The following GAN variants were observed in gnomAD, a reference collection of about 807,000 sequenced individuals.
GAN encodes the protein epididymis secretory sperm binding protein.
GAN carries 48 observed loss-of-function variants against 71.3 expected under a neutral mutation model. The observed-to-expected ratio is 0.67, with a 90% CI of 0.53 to 0.86. GAN has a LOEUF of 0.86. Ranked by LOEUF, GAN falls within the 40% of genes least tolerant of loss-of-function variation. The pLI is 0.00. For missense variants in GAN, 928 were observed against 770.1 expected, an observed-to-expected ratio of 1.21 and a Z score of -2.43; for synonymous variants, 386 against 276.8, an observed-to-expected ratio of 1.39 and a Z score of -3.92.
At chr16:81,329,885 G>T (rs1227998213) in intron 1 of GAN, among the ~76,000 whole-genome samples, 1 of 152,094 alleles carries the variant, frequency 6.6e-6, no homozygotes, top group Admixed American at 6.6e-5. Context: ...CTGATACCAA[G>T]CCCGCTACAT....
rs369149100 is a variant in GAN, at chr16:81,341,097, AG to A, written c.168-10484del. ...GCAAGAAGACAAGATTAGAGAAAAA[AG>A]GAGTGAAAAGAAATGAAGAAAGCCT... On this transcript the variant is annotated intron_variant, in intron 1 of 10. Transcript: ENST00000648994. Among the ~76,000 whole-genome samples, 1,294 of 152,092 alleles carry A rather than the reference AG, an allele frequency of 8.5e-3. 14 individuals carry two copies. The highest frequency in any genetic ancestry group is 0.029 in the African/African-American group (1,220 of 41,478).
intron 1 of GAN, among the ~76,000 whole-genome samples, chr16:81,328,636 C>T (rs1040317205): frequency 1.7e-5 from 2 of 121,128 alleles, no homozygotes; most frequent in Admixed American, 1.0e-4. Flanking sequence ...AAGACCCTAC[C>T]AGTGTGTATC....
At position 81,389,329 on chromosome 16, in the gene GAN, C is replaced by G. The variant is rs1904496267; in HGVS notation, c.*11733C>G. On this transcript the variant is annotated 3_prime_UTR_variant, in exon 11 of 11. Transcript: ENST00000648994. ...TCGCCGGCGACGTAATGGTGATACC[C>G]TTTGTTTTTTGTATCATACCTTTTG... The G allele has an allele frequency of 6.6e-6, 1 of 152,204 alleles. No homozygotes were observed. The highest frequency in any genetic ancestry group is 2.4e-5 in the African/African-American group (1 of 41,448). The allele number at this position is 152,204 out of a possible 1,614,324, so 9.4% of individuals were successfully genotyped here.
rs182275737 is a variant in GAN, at chr16:81,352,850, C to T, written c.282+1153C>T. ...ATAACCAGGGCTAAGACCAACCTCT[C>T]CTCCACCTTGTAAAGTCAATCCAGC... On this transcript the variant is annotated intron_variant, in intron 2 of 10. Transcript: ENST00000648994. Among the ~76,000 whole-genome samples the T allele has an allele frequency of 5.6e-3, 852 of 152,302 alleles. 10 individuals carry two copies. The highest frequency in any genetic ancestry group is 0.032 in the South Asian group (152 of 4,824).
intron 1 of GAN, among the ~76,000 whole-genome samples, chr16:81,326,049 ACTCC>A (rs1300404566): frequency 1.3e-5 from 2 of 151,860 alleles, no homozygotes; most frequent in East Asian, 3.9e-4. Flanking sequence ...CCAAATAATC[ACTCC>A]CTCCAGCAGA....
intron 1 of GAN, among the ~76,000 whole-genome samples, chr16:81,317,770 G>A (rs1040579031): frequency 6.6e-6 from 1 of 152,158 alleles, no homozygotes; most frequent in African/African-American, 2.4e-5. Context: ...CTGTTAGCTG[G>A]CTTACAATAT....
In GAN at chr16:81,318,821, C is replaced by A. The variant is rs4889303; in HGVS notation, c.167+3541C>A. ...GGTCAGCTCAGAGAGGACTGGCATC[C>A]CCGGGTTATGTAGAGAGAGCACGTG... On this transcript the variant is annotated intron_variant, in intron 1 of 10. Coordinates refer to ENST00000648994, the MANE Select transcript of GAN (RefSeq NM_022041.4). Among the ~76,000 whole-genome samples, 631 of 152,200 alleles carry A rather than the reference C, an allele frequency of 4.1e-3. 7 individuals carry two copies. Among genetic ancestry groups the A allele is most frequent in the South Asian group, 0.018 (89 of 4,820 alleles).
At chr16:81,368,758 A>G (rs1910943529) in intron 9 of GAN, among the ~76,000 whole-genome samples, 1 of 152,148 alleles carries the variant, frequency 6.6e-6, no homozygotes, top group African/African-American at 2.4e-5. Flanking sequence ...GCATCTGTGT[A>G]GTGTCATTAG....
chr16:81,350,813 C>G (rs1401667458), intron 1 of GAN, among the ~76,000 whole-genome samples: 1 of 152,156 alleles, frequency 6.6e-6, no homozygotes, highest in Non-Finnish European at 1.5e-5. Context: ...GCCACTGCAC[C>G]CAGCCGAAAA....
chr16:81,376,609 T>C (rs1356540388), intron 9 of GAN, among the ~76,000 whole-genome samples: 1 of 150,760 alleles, frequency 6.6e-6, no homozygotes, highest in Admixed American at 6.7e-5. Context: ...ATATTATATG[T>C]ATGTATATGT....
chr16:81,363,708 T>A (rs1036843679), intron 6 of GAN, 86 bp from the exon 7 acceptor site: 8 of 1,374,778 alleles, frequency 5.8e-6, no homozygotes, highest in Non-Finnish European at 8.3e-6. Flanking sequence ...TCTTTATGTT[T>A]CTCTAATTTT....
intron 1 of GAN, among the ~76,000 whole-genome samples, chr16:81,326,238 T>C (rs747581603): frequency 5.0e-4 from 76 of 152,040 alleles, no homozygotes; most frequent in Non-Finnish European, 9.6e-4. Context: ...ATTGAGTTGG[T>C]TGGGTGCCGT....
At chr16:81,356,087 G>A (rs1910475426) in intron 3 of GAN, among the ~76,000 whole-genome samples, 1 of 152,204 alleles carries the variant, frequency 6.6e-6, no homozygotes, top group South Asian at 2.1e-4. Flanking sequence ...GATGCTTAAG[G>A]TTGGCTGGTT....
rs1904292718 is a variant in GAN, at chr16:81,379,051, T to C, written c.*1455T>C. 6.6e-6 allele frequency: 1 copy of C among 152,026 alleles called. No homozygotes were observed. Among genetic ancestry groups the C allele is most frequent in the Non-Finnish European group, 1.5e-5 (1 of 68,016 alleles). The allele number at this position is 152,026 out of a possible 1,614,324, so 9.4% of individuals were successfully genotyped here. ...TTTTCTAAAAAAAAGGTTTTTTTTTTCCTTTTGGAATATGGCTGTAAGAAG... is the reference window on the plus strand; with the variant it reads ...TTTTCTAAAAAAAAGGTTTTTTTTTCCCTTTTGGAATATGGCTGTAAGAAG... On this transcript the variant is annotated 3_prime_UTR_variant, in exon 11 of 11. Coordinates refer to ENST00000648994, the MANE Select transcript of GAN (RefSeq NM_022041.4).
intron 7 of GAN, 51 bp from the exon 8 acceptor site, chr16:81,364,923 G>GA (rs760641700): frequency 6.3e-7 from 1 of 1,583,326 alleles, no homozygotes; most frequent in Non-Finnish European, 8.7e-7. Flanking sequence ...CTGTTCACCT[G>GA]ACCTGAATGA....
At position 81,389,739 on chromosome 16, in the gene GAN, C is replaced by T. The variant is rs926762625; in HGVS notation, c.*12143C>T. The T allele has an allele frequency of 1.3e-5, 2 of 152,194 alleles. No individual in the cohort carries two copies. Among genetic ancestry groups the T allele is most frequent in the African/African-American group, 4.8e-5 (2 of 41,442 alleles). 9.4% of individuals were successfully genotyped at this position (152,194 alleles called of 1,614,324 possible). A position where few individuals can be genotyped will look rare whatever the true frequency, so the allele number is the denominator to read the frequency against. On this transcript the variant is annotated 3_prime_UTR_variant, in exon 11 of 11. Transcript: ENST00000648994. ...GATTTGTAAATTCGATTTGACCCTCCCAAATTCAGGGCTGCTCTTTGCAGT... is the reference window on the plus strand; with the variant it reads ...GATTTGTAAATTCGATTTGACCCTCTCAAATTCAGGGCTGCTCTTTGCAGT...
rs755259336 is a variant in GAN, at chr16:81,377,492, G to T, written c.1690G>T (p.Asp564Tyr). The change falls in exon 11 of 11, where the codon GAC becomes TAC. Residue 564 changes from aspartate to tyrosine, a missense_variant. Physicochemically the swap from Asp to Tyr is radical, Grantham distance 160. Coordinates refer to ENST00000648994, the MANE Select transcript of GAN (RefSeq NM_022041.4). ...WHHTKPLLPS[D>Y]LRRTGCAALR... ...CCACACTAAACCACTCCTTCCATCC[G>T]ACCTTCGCCGTACAGGATGTGCAGC... 1.9e-6 allele frequency: 3 copies of T among 1,614,088 alleles called. No individual in the cohort carries two copies. The highest frequency in any genetic ancestry group is 4.5e-5 in the East Asian group (2 of 44,884).
chr16:81,329,230 C>T (rs1032777989), intron 1 of GAN, among the ~76,000 whole-genome samples: 23 of 151,804 alleles, frequency 1.5e-4, no homozygotes, highest in Non-Finnish European at 2.9e-5. Context: ...AAAGTCTGCT[C>T]ATCTTTTCCA....
chr16:81,315,840 G>A (rs1455555690), intron 1 of GAN, among the ~76,000 whole-genome samples: 1 of 152,272 alleles, frequency 6.6e-6, no homozygotes, highest in East Asian at 1.9e-4. Context: ...GGTGCAGGCA[G>A]AGAAAACCCT....
Sources: gnomAD v4.1 joint callset for allele counts (sites outside exome capture counted in the v4.1 genomes callset) on GRCh38, gnomAD v4.1.1 for gene constraint, MANE v1.5 for transcripts, NCBI Gene and HGNC (gene_info 2026-07-23, HGNC 2026-07-21) for gene names.